CACUL1: variants seen among roughly 807,000 people sequenced by gnomAD.
CACUL1 encodes CDK2 associated cullin domain 1, also known as CDK2-associated and cullin domain-containing protein 1.
Under a neutral mutation model 45.2 loss-of-function variants are expected in CACUL1, and 13 were observed. The observed-to-expected ratio is 0.29, with a 90% CI of 0.19 to 0.46. CACUL1 has a LOEUF of 0.46. CACUL1 is among the 20% of genes least tolerant of loss of function. The pLI is 1.00. For missense variants in CACUL1, 421 were observed against 471.4 expected (o/e 0.89, Z 0.99); for synonymous variants, 197 against 174.2 (o/e 1.13, Z -1.03).
At chr10:118,721,209 C>A (rs1845597121) in intron 3 of CACUL1, among the ~76,000 whole-genome samples, 1 of 152,290 alleles carries the variant, frequency 6.6e-6, no homozygotes, top group South Asian at 2.1e-4. Flanking sequence ...TATGCTGCCA[C>A]CCACTGGACA....
At chr10:118,743,800 A>G (rs1845814421) in intron 1 of CACUL1, among the ~76,000 whole-genome samples, 1 of 151,616 alleles carries the variant, frequency 6.6e-6, no homozygotes, top group Middle Eastern at 3.2e-3. Context: ...TTTATAGAAG[A>G]AAAAAAAAGG....
intron 1 of CACUL1, among the ~76,000 whole-genome samples, chr10:118,737,013 T>C (rs1278861554): frequency 1.3e-5 from 2 of 152,032 alleles, no homozygotes; most frequent in African/African-American, 2.4e-5. Context: ...AAGTATACCC[T>C]ATGATGTTCC....
At chr10:118,705,233 GAAATTTTT>G (rs1004489251) in intron 4 of CACUL1, among the ~76,000 whole-genome samples, 19 of 152,050 alleles carry the variant, frequency 1.2e-4, no homozygotes, top group Non-Finnish European at 2.5e-4. Context: ...TTTCACAACT[GAAATTTTT>G]AAATCAAAAT....
intron 6 of CACUL1, chr10:118,694,939 C>A: frequency 2.4e-6 from 1 of 416,024 alleles, no homozygotes; most frequent in East Asian, 3.9e-5. Flanking sequence ...CTGCAAAAAC[C>A]ACACTAGTTG....
At chr10:118,707,468 A>G (rs1280497150) in intron 4 of CACUL1, 24 bp downstream of exon 4, 1 of 1,073,302 alleles carries the variant, frequency 9.3e-7, no homozygotes, top group South Asian at 1.3e-5. Context: ...GGTATTTGGG[A>G]AGGAGGAAGG....
At chr10:118,695,528 T>C (rs1007009862) in intron 5 of CACUL1, among the ~76,000 whole-genome samples, 1 of 152,180 alleles carries the variant, frequency 6.6e-6, no homozygotes, top group Admixed American at 6.5e-5. Context: ...ACATTATAAG[T>C]GAGTTGAAAG....
intron 5 of CACUL1, among the ~76,000 whole-genome samples, chr10:118,696,890 C>A (rs1845328551): frequency 6.6e-6 from 1 of 152,222 alleles, no homozygotes; most frequent in Non-Finnish European, 1.5e-5. Context: ...CTTGCTCCCA[C>A]TAACTCTTCG....
Position 118,706,985 on chromosome 10 carries a change from A to G in CACUL1, c.693+507T>C, listed in dbSNP as rs534348861. Reference sequence around the variant, plus strand: ...TCCTCCATTCAACAGGAGCACTAACATTAAGATTCTATGACTCTCGATATT... The same window carrying G: ...TCCTCCATTCAACAGGAGCACTAACGTTAAGATTCTATGACTCTCGATATT... On this transcript the variant is annotated intron_variant, in intron 4 of 8. Transcript: ENST00000369151. Among the ~76,000 whole-genome samples the G allele has an allele frequency of 4.6e-5, 7 of 152,354 alleles. No individual in the cohort carries two copies. The East Asian group carries it at 1.3e-3, about 29-fold the overall frequency.
At chr10:118,696,380 C>T (rs1236821796) in intron 5 of CACUL1, among the ~76,000 whole-genome samples, 7 of 152,182 alleles carry the variant, frequency 4.6e-5, no homozygotes, top group African/African-American at 1.2e-4. Context: ...CAGTGGCTCA[C>T]GCCTGTAATC....
intron 3 of CACUL1, among the ~76,000 whole-genome samples, chr10:118,719,014 A>G (rs1845574176): frequency 6.6e-6 from 1 of 152,262 alleles, no homozygotes; most frequent in Non-Finnish European, 1.5e-5. Flanking sequence ...CAACAATTAA[A>G]CATTCAACAT....
chr10:118,742,974 AT>A (rs1845806178), intron 1 of CACUL1, among the ~76,000 whole-genome samples: 1 of 152,236 alleles, frequency 6.6e-6, no homozygotes, highest in Admixed American at 6.5e-5. Flanking sequence ...CTTACTAAAG[AT>A]TCTTTATTCA....
chr10:118,695,130 G>C lies in CACUL1; in HGVS notation c.886+11C>G. The C allele has an allele frequency of 6.7e-7, 1 of 1,496,272 alleles. No individual in the cohort carries two copies. Among genetic ancestry groups the C allele is most frequent in the Non-Finnish European group, 9.3e-7 (1 of 1,072,906 alleles). 92.7% of individuals were successfully genotyped at this position (1,496,272 alleles called of 1,614,324 possible). ...ACAGTTCCAATCCCAACAGAAATGA[G>C]AAATGTTTACCTGGTCTGAGGGTAT... On this transcript the variant is annotated intron_variant, in intron 6 of 8. Coordinates refer to ENST00000369151, the MANE Select transcript of CACUL1 (RefSeq NM_153810.5).
Position 118,684,979 on chromosome 10 carries a change from G to GA in CACUL1, c.*1148dup, listed in dbSNP as rs1421788108. Reference sequence around the variant, plus strand: ...GACTAAAAAGCACTGTGGATGTGGAGAAACAGAAATATAGCTTTGCCACAG... The same window carrying GA: ...GACTAAAAAGCACTGTGGATGTGGAGAAAACAGAAATATAGCTTTGCCACAG... On this transcript the variant is annotated 3_prime_UTR_variant, in exon 9 of 9. Transcript: ENST00000369151. 6.6e-6 allele frequency: 1 copy of GA among 152,204 alleles called. No homozygotes were observed. Among genetic ancestry groups the GA allele is most frequent in the African/African-American group, 2.4e-5 (1 of 41,444 alleles). 9.4% of individuals were successfully genotyped at this position (152,204 alleles called of 1,614,324 possible).
At chr10:118,749,275 T>C (rs1208003319) in intron 1 of CACUL1, among the ~76,000 whole-genome samples, 1 of 152,144 alleles carries the variant, frequency 6.6e-6, no homozygotes, top group Non-Finnish European at 1.5e-5. Flanking sequence ...AGATATAAAA[T>C]GGGCATGATT....
intron 4 of CACUL1, 87 bp from the exon 5 acceptor site, chr10:118,701,495 C>A: frequency 1.5e-6 from 1 of 652,634 alleles, no homozygotes; most frequent in South Asian, 3.1e-5. Context: ...TTTTAGAAAA[C>A]AATGCATAAA....
chr10:118,742,152 T>TA (rs1302414254), intron 1 of CACUL1, among the ~76,000 whole-genome samples: 1 of 152,230 alleles, frequency 6.6e-6, no homozygotes, highest in East Asian at 1.9e-4. Flanking sequence ...TGGCACACAA[T>TA]AAACACTTAA....
At chr10:118,701,993 A>G (rs970947038) in intron 4 of CACUL1, among the ~76,000 whole-genome samples, 2 of 152,216 alleles carry the variant, frequency 1.3e-5, no homozygotes, top group Non-Finnish European at 2.9e-5. Context: ...TCTGAGCCCA[A>G]GCCTGCATGT....
chr10:118,747,020 C>T (rs746830545), intron 1 of CACUL1, among the ~76,000 whole-genome samples: 12 of 152,134 alleles, frequency 7.9e-5, no homozygotes, highest in Non-Finnish European at 1.5e-4. Flanking sequence ...GTCAGATCAG[C>T]GCAGGAATTA....
chr10:118,696,308 A>G (rs758648520), intron 5 of CACUL1, among the ~76,000 whole-genome samples: 5 of 152,166 alleles, frequency 3.3e-5, no homozygotes, highest in Non-Finnish European at 5.9e-5. Flanking sequence ...CACTAACGAC[A>G]GCTGATGAGC....
Sources: gnomAD v4.1 joint callset for allele counts (sites outside exome capture counted in the v4.1 genomes callset) on GRCh38, gnomAD v4.1.1 for gene constraint, MANE v1.5 for transcripts, NCBI Gene and HGNC (gene_info 2026-07-23, HGNC 2026-07-21) for gene names.